Variants in CHST9 observed in about 807,000 individuals in gnomAD.
CHST9 encodes carbohydrate sulfotransferase 9.
A neutral mutation model predicts 44.4 loss-of-function variants in CHST9; 41 were observed. The observed-to-expected ratio is 0.92, with a 90% confidence interval of 0.72 to 1.20. The LOEUF (loss-of-function observed/expected upper bound fraction) is 1.20. Among genes scored for constraint, CHST9 ranks in the 50% most tolerant of loss-of-function variants. CHST9 has a pLI of 0.00. For missense variants in CHST9, 504 were observed against 516.5 expected (o/e 0.98, Z 0.23); for synonymous variants, 171 against 178.4 (o/e 0.96, Z 0.33).
intron 5 of CHST9, chr18:26,936,143 C>T (rs1227440570): frequency 6.6e-6 from 1 of 152,112 alleles, no homozygotes; most frequent in Non-Finnish European, 1.5e-5. Flanking sequence ...GGGATGTAGA[C>T]CATATATACA....
At chr18:27,115,892 T>G (rs143816961) in intron 2 of CHST9, among the ~76,000 whole-genome samples, 1 of 152,336 alleles carries the variant, frequency 6.6e-6, no homozygotes, top group African/African-American at 2.4e-5. Context: ...CCCTGATGAC[T>G]AACAATGCTG....
chr18:26,983,583 A>G (rs1342892528), intron 4 of CHST9, among the ~76,000 whole-genome samples: 1 of 152,196 alleles, frequency 6.6e-6, no homozygotes, highest in South Asian at 2.1e-4. Context: ...CCATGGGTCG[A>G]TTAAATCTCT....
At chr18:27,134,253 A>T (rs9947740) in intron 2 of CHST9, among the ~76,000 whole-genome samples, 2 of 152,154 alleles carry the variant, frequency 1.3e-5, no homozygotes, top group East Asian at 3.9e-4. Context: ...ATATGCTTCA[A>T]TGTAGAGAGA....
chr18:26,914,894 T>A lies in CHST9; in HGVS notation c.*1365A>T. 2.5e-6 allele frequency: 1 copy of A among 397,860 alleles called. No individual in the cohort carries two copies. The highest frequency in any genetic ancestry group is 4.4e-6 in the Non-Finnish European group (1 of 225,550). The allele number at this position is 397,860 out of a possible 1,614,324, so 24.6% of individuals were successfully genotyped here. A position where few individuals can be genotyped will look rare whatever the true frequency, so the allele number is the denominator to read the frequency against. On this transcript the variant is annotated 3_prime_UTR_variant, in exon 6 of 6. Transcript: ENST00000618847. Reference sequence around the variant, plus strand: ...GCATTTAAGCAGGGTTTGAAAGACTTGTGATTTTCTTAACTCGGGGTAAAA... The same window carrying A: ...GCATTTAAGCAGGGTTTGAAAGACTAGTGATTTTCTTAACTCGGGGTAAAA...
intron 1 of CHST9, among the ~76,000 whole-genome samples, chr18:27,179,989 T>C (rs2058899387): frequency 1.3e-5 from 2 of 152,142 alleles, no homozygotes; most frequent in Non-Finnish European, 2.9e-5. Context: ...AGTGGAAGTA[T>C]ATCAATGGTA....
At chr18:26,951,915 G>A (rs1298557087) in intron 4 of CHST9, among the ~76,000 whole-genome samples, 1 of 152,170 alleles carries the variant, frequency 6.6e-6, no homozygotes, top group Non-Finnish European at 1.5e-5. Flanking sequence ...TTGGTGAAGT[G>A]CATGCAGCCA....
intron 4 of CHST9, among the ~76,000 whole-genome samples, chr18:27,012,297 T>C (rs1011711939): frequency 6.6e-6 from 1 of 152,206 alleles, no homozygotes; most frequent in African/African-American, 2.4e-5. Context: ...TTACTGATAA[T>C]GTAGTCGATT....
rs1484233385 is a variant in CHST9 at position 26,912,211 on chromosome 18, C to T, written c.*4048G>A. ...CACAAGGCTAAATTTGTTCCAGGGACTATTTTTTCTTCTTAAAAACATTGT... is the reference window on the plus strand; with the variant it reads ...CACAAGGCTAAATTTGTTCCAGGGATTATTTTTTCTTCTTAAAAACATTGT... On this transcript the variant is annotated 3_prime_UTR_variant, in exon 6 of 6. Coordinates refer to ENST00000618847, the MANE Select transcript of CHST9 (RefSeq NM_031422.6). The T allele has an allele frequency of 6.6e-6, 1 of 152,084 alleles. No homozygotes were observed. Among genetic ancestry groups the T allele is most frequent in the East Asian group, 1.9e-4 (1 of 5,194 alleles). The allele number at this position is 152,084 out of a possible 1,614,324, so 9.4% of individuals were successfully genotyped here.
intron 1 of CHST9, among the ~76,000 whole-genome samples, chr18:27,164,892 G>A (rs1177594260): frequency 6.6e-6 from 1 of 152,170 alleles, no homozygotes; most frequent in African/African-American, 2.4e-5. Context: ...CTATCAATGT[G>A]TCAATCAAGG....
chr18:27,149,220 T>A (rs984450675), intron 1 of CHST9, among the ~76,000 whole-genome samples: 1 of 146,168 alleles, frequency 6.8e-6, no homozygotes, highest in Non-Finnish European at 1.5e-5. Context: ...CTGTTCACTC[T>A]GATGGTAGTT....
chr18:27,001,198 C>T (rs1182197097), intron 4 of CHST9, among the ~76,000 whole-genome samples: 1 of 152,104 alleles, frequency 6.6e-6, no homozygotes, highest in African/African-American at 2.4e-5. Flanking sequence ...GATGTGTGTG[C>T]ATATAAGTAG....
chr18:27,082,028 A>AG (rs1219403471), intron 2 of CHST9, among the ~76,000 whole-genome samples: 2 of 152,206 alleles, frequency 1.3e-5, no homozygotes. Flanking sequence ...GTTTCCCCTG[A>AG]GGGTAAGTGG....
chr18:27,013,088 G>T (rs1476686982), intron 4 of CHST9, among the ~76,000 whole-genome samples: 2 of 152,096 alleles, frequency 1.3e-5, no homozygotes, highest in Non-Finnish European at 2.9e-5. Context: ...CTTGGGTAGG[G>T]CCACTCAAAC....
At chr18:27,156,183 G>T (rs946281493) in intron 1 of CHST9, among the ~76,000 whole-genome samples, 2 of 150,746 alleles carry the variant, frequency 1.3e-5, no homozygotes, top group East Asian at 3.9e-4. Flanking sequence ...AGTGAAAAAA[G>T]ATGAACCTGA....
At position 27,122,353 on chromosome 18, in the gene CHST9, G is replaced by A. The variant is rs144606241; in HGVS notation, c.121+20336C>T. Among the ~76,000 whole-genome samples the A allele has an allele frequency of 7.8e-3, 1,186 of 152,222 alleles. 15 individuals are homozygous for A. Among genetic ancestry groups the A allele is most frequent in the African/African-American group, 0.025 (1,056 of 41,552 alleles). ...ATAAGAGCTTTTGTCTTACATTAAA[G>A]CTTTATAATATTGCATTCTATTGTG... On this transcript the variant is annotated intron_variant, in intron 2 of 5. Coordinates refer to ENST00000618847, the MANE Select transcript of CHST9 (RefSeq NM_031422.6).
intron 4 of CHST9, among the ~76,000 whole-genome samples, chr18:27,005,302 A>G (rs1047387061): frequency 2.6e-5 from 4 of 152,226 alleles, no homozygotes; most frequent in Non-Finnish European, 4.4e-5. Context: ...GCATATATTT[A>G]GGACTTAATA....
At chr18:27,006,189 C>T (rs2057013681) in intron 4 of CHST9, among the ~76,000 whole-genome samples, 3 of 152,128 alleles carry the variant, frequency 2.0e-5, no homozygotes, top group Admixed American at 2.0e-4. Flanking sequence ...AAAAATAGAT[C>T]TCAGTCTGTG....
chr18:26,995,259 TA>T (rs56839431), intron 4 of CHST9, among the ~76,000 whole-genome samples: 11,552 of 110,036 alleles, frequency 0.1, 915 homozygotes, highest in African/African-American at 0.25. Context: ...CCATCTCTAC[TA>T]AAAAAAAAAA....
intron 4 of CHST9, among the ~76,000 whole-genome samples, chr18:27,022,998 G>T (rs1347332665): frequency 6.6e-6 from 1 of 152,178 alleles, no homozygotes; most frequent in Non-Finnish European, 1.5e-5. Context: ...TGGATGCATG[G>T]TGACTCAGTT....
Sources: allele counts gnomAD v4.1 joint callset (sites outside exome capture counted in the v4.1 genomes callset), GRCh38; gene constraint gnomAD v4.1.1; transcripts MANE v1.5; gene names NCBI Gene and HGNC (gene_info 2026-07-23, HGNC 2026-07-21).